PRKCA: variants seen among roughly 807,000 people sequenced by gnomAD.
The protein encoded by PRKCA is protein kinase C alpha.
A neutral mutation model predicts 87.0 loss-of-function variants in PRKCA; 27 were observed. The ratio of observed to expected loss-of-function variants is 0.31; its 90% CI spans 0.23 to 0.43. The LOEUF is 0.43. Ranked by LOEUF, PRKCA falls within the 20% of genes least tolerant of loss-of-function variation. The pLI, the probability that PRKCA is intolerant of heterozygous loss-of-function variation, is 1.00. For missense variants in PRKCA, 518 were observed against 852.3 expected (o/e 0.61, Z 4.88); for synonymous variants, 329 against 311.1 (o/e 1.06, Z -0.61).
intron 3 of PRKCA, among the ~76,000 whole-genome samples, chr17:66,591,745 G>T (rs1390546106): frequency 3.3e-5 from 5 of 152,278 alleles, no homozygotes; most frequent in Admixed American, 2.0e-4. Flanking sequence ...GCCTTGTGGA[G>T]TTGTCCTGGA....
chr17:66,697,701 G>T (rs901712349), intron 8 of PRKCA, among the ~76,000 whole-genome samples: 1 of 152,186 alleles, frequency 6.6e-6, no homozygotes, highest in African/African-American at 2.4e-5. Context: ...AAGAGAAGCT[G>T]CTGGCCCTCT....
intron 3 of PRKCA, among the ~76,000 whole-genome samples, chr17:66,606,348 C>T (rs982141685): frequency 2.6e-5 from 4 of 152,248 alleles, no homozygotes; most frequent in Admixed American, 2.6e-4. Flanking sequence ...GCTAAAATTG[C>T]ACCACTGCAC....
intron 5 of PRKCA, among the ~76,000 whole-genome samples, chr17:66,678,995 C>G (rs1367631254): frequency 6.6e-6 from 1 of 152,120 alleles, no homozygotes; most frequent in East Asian, 1.9e-4. Flanking sequence ...GGCATGGTTG[C>G]TGGGTACTCA....
intron 14 of PRKCA, among the ~76,000 whole-genome samples, chr17:66,776,995 A>G (rs544930765): frequency 1.3e-5 from 2 of 152,328 alleles, no homozygotes; most frequent in South Asian, 4.1e-4. Context: ...CCACTCGCCC[A>G]ACTCCTGAAA....
At chr17:66,519,435 G>A (rs1247434434) in intron 3 of PRKCA, among the ~76,000 whole-genome samples, 1 of 152,142 alleles carries the variant, frequency 6.6e-6, no homozygotes, top group Non-Finnish European at 1.5e-5. Flanking sequence ...TTGTTGACTG[G>A]GGCCTTAAGG....
intron 2 of PRKCA, among the ~76,000 whole-genome samples, chr17:66,431,929 C>T (rs1913118615): frequency 6.6e-6 from 1 of 152,164 alleles, no homozygotes; most frequent in Admixed American, 6.5e-5. Flanking sequence ...TAATTTCCCC[C>T]CGCATCCTAA....
chr17:66,333,629 T>C (rs1214250265), intron 2 of PRKCA, among the ~76,000 whole-genome samples: 1 of 152,156 alleles, frequency 6.6e-6, no homozygotes, highest in Non-Finnish European at 1.5e-5. Flanking sequence ...TGAAGGGGTC[T>C]GGGCTACGTA....
At chr17:66,686,517 G>A (rs1212379121) in intron 5 of PRKCA, among the ~76,000 whole-genome samples, 3 of 152,158 alleles carry the variant, frequency 2.0e-5, no homozygotes, top group Admixed American at 6.5e-5. Flanking sequence ...TTTTAAAAAC[G>A]AATACTTGAG....
chr17:66,443,387 A>G (rs868574994), intron 2 of PRKCA, among the ~76,000 whole-genome samples: 3 of 152,200 alleles, frequency 2.0e-5, no homozygotes, highest in South Asian at 4.1e-4. Flanking sequence ...AGCCTTGGAA[A>G]CTAGAGGCTA....
rs1211870130 is a variant in PRKCA at position 66,515,188 on chromosome 17, GGAGGTTGCAGTGAGCC to G, written c.288+18922_288+18937del. Among the ~76,000 whole-genome samples the G allele has an allele frequency of 1.1e-4, 17 of 151,004 alleles. No homozygotes were observed. The East Asian group carries it at 1.8e-3, about 16-fold the overall frequency. On this transcript the variant is annotated intron_variant, in intron 3 of 16. Coordinates refer to ENST00000413366, the MANE Select transcript of PRKCA (RefSeq NM_002737.3). ...GGAGAATCACTTGAACCTGGGAGGCGGAGGTTGCAGTGAGCCGAGGTTGCAGTGAGCCAAGATTGCG... is the reference window on the plus strand; with the variant it reads ...GGAGAATCACTTGAACCTGGGAGGCGGAGGTTGCAGTGAGCCAAGATTGCG...
intron 3 of PRKCA, among the ~76,000 whole-genome samples, chr17:66,635,817 T>C (rs1482112054): frequency 6.6e-6 from 1 of 152,210 alleles, no homozygotes; most frequent in Non-Finnish European, 1.5e-5. Flanking sequence ...AATGGTATTG[T>C]AGCATTGTCC....
intron 13 of PRKCA, among the ~76,000 whole-genome samples, chr17:66,747,846 T>G (rs943703168): frequency 2.0e-5 from 3 of 152,126 alleles, no homozygotes; most frequent in African/African-American, 7.2e-5. Context: ...CGCAAGCCCC[T>G]CCCCAGCACG....
chr17:66,545,819 A>G (rs775541646), intron 3 of PRKCA, among the ~76,000 whole-genome samples: 1 of 152,224 alleles, frequency 6.6e-6, no homozygotes, highest in Admixed American at 6.5e-5. Flanking sequence ...GGTGGAAAAT[A>G]TGAAGTGTGT....
chr17:66,370,851 T>G (rs1006112501), intron 2 of PRKCA, among the ~76,000 whole-genome samples: 1 of 152,144 alleles, frequency 6.6e-6, no homozygotes, highest in Non-Finnish European at 1.5e-5. Flanking sequence ...CTAGAGAAGT[T>G]AAGTTGCTTG....
At chr17:66,659,624 C>G (rs1247862552) in intron 5 of PRKCA, among the ~76,000 whole-genome samples, 2 of 152,062 alleles carry the variant, frequency 1.3e-5, no homozygotes, top group Non-Finnish European at 1.5e-5. Flanking sequence ...ACATGCTGCA[C>G]TTTGGTCCCA....
At chr17:66,513,839 A>G (rs771474611) in intron 3 of PRKCA, among the ~76,000 whole-genome samples, 6 of 152,226 alleles carry the variant, frequency 3.9e-5, no homozygotes, top group Non-Finnish European at 8.8e-5. Flanking sequence ...GTGTAGGGGA[A>G]CAGGAAGTAG....
At chr17:66,634,626 G>A (rs1971107513) in intron 3 of PRKCA, among the ~76,000 whole-genome samples, 1 of 152,208 alleles carries the variant, frequency 6.6e-6, no homozygotes, top group Non-Finnish European at 1.5e-5. Flanking sequence ...TAAGGATTTA[G>A]TAGTTGCTTT....
chr17:66,687,192 C>G lies in PRKCA; in HGVS notation c.611C>G (p.Pro204Arg). Residue 204 changes from proline to arginine, a missense_variant, in exon 6 of 17, where the codon CCC (proline) becomes CGC (arginine). Pro to Arg is a moderately radical substitution (Grantham distance 103, BLOSUM62 -2). Transcript: ENST00000413366. ...PYVKLKLIPD[P>R]KNESKQKTKT... ...GTGAAGCTGAAACTTATTCCTGATCCCAAGAATGAAAGCAAGCAAAAAACC... is the reference window on the plus strand; with the variant it reads ...GTGAAGCTGAAACTTATTCCTGATCGCAAGAATGAAAGCAAGCAAAAAACC... 6.2e-7 allele frequency: 1 copy of G among 1,613,962 alleles called. No individual in the cohort carries two copies. Among genetic ancestry groups the G allele is most frequent in the Non-Finnish European group, 8.5e-7 (1 of 1,179,910 alleles).
At chr17:66,747,316 C>A (rs2144252123) in intron 13 of PRKCA, among the ~76,000 whole-genome samples, 1 of 152,344 alleles carries the variant, frequency 6.6e-6, no homozygotes, top group East Asian at 1.9e-4. Flanking sequence ...GGCAGTCCTC[C>A]TGCCTTGGCC....
Sources: allele counts gnomAD v4.1 joint callset (sites outside exome capture counted in the v4.1 genomes callset), GRCh38; gene constraint gnomAD v4.1.1; transcripts MANE v1.5; gene names NCBI Gene and HGNC (gene_info 2026-07-23, HGNC 2026-07-21).